The following CCDC6 variants were observed in gnomAD, a reference collection of about 807,000 sequenced individuals.
CCDC6 encodes coiled-coil domain containing 6.
A neutral mutation model predicts 56.6 loss-of-function variants in CCDC6; 20 were observed. The observed-to-expected ratio is 0.35, with a 90% confidence interval of 0.25 to 0.51. CCDC6 has a LOEUF of 0.51. Among genes scored for constraint, CCDC6 ranks in the 20% least tolerant of loss-of-function variants. The probability of loss-of-function intolerance (pLI) is 0.95; values close to 1 mark genes in which losing one functional copy is unlikely to be tolerated. For missense variants in CCDC6, 367 were observed against 601.1 expected (o/e 0.61, Z 4.07); for synonymous variants, 241 against 234.4 (o/e 1.03, Z -0.26).
chr10:59,875,220 G>C (rs916180434), intron 1 of CCDC6, among the ~76,000 whole-genome samples: 3 of 152,178 alleles, frequency 2.0e-5, no homozygotes, highest in Admixed American at 1.3e-4. Context: ...CCAGAATAGA[G>C]GTGGTTGTGA....
chr10:59,814,387 T>C (rs1308200635), intron 4 of CCDC6, among the ~76,000 whole-genome samples: 3 of 152,148 alleles, frequency 2.0e-5, no homozygotes, highest in Admixed American at 6.6e-5. Flanking sequence ...AGGTGAACAA[T>C]AGCAGCATGA....
intron 1 of CCDC6, among the ~76,000 whole-genome samples, chr10:59,865,839 G>T (rs2071171999): frequency 9.5e-6 from 1 of 105,806 alleles, no homozygotes; most frequent in South Asian, 3.1e-4. Context: ...GACAGAGAGA[G>T]ACTCCATCTC....
chr10:59,812,759 A>G lies in CCDC6; in HGVS notation c.723T>C (p.Ala241=), dbSNP rs771159444. Residue 241 remains alanine, a synonymous_variant, in exon 5 of 9, where the codon GCT becomes GCC. Transcript: ENST00000263102. The part of the protein sequence containing the change: ...LQEKLDQPVS[A]PPSPRDISME... ...TGGAGATATCTCTAGGCGATGGTGG[A>G]GCAGAGACGGGCTGGTCTAATTTTT... 14 of 1,611,344 alleles carry G rather than the reference A, an allele frequency of 8.7e-6. No individual in the cohort carries two copies. The highest frequency in any genetic ancestry group is 1.1e-5 in the Non-Finnish European group (13 of 1,178,214).
At chr10:59,826,378 A>G (rs2070787759) in intron 3 of CCDC6, among the ~76,000 whole-genome samples, 1 of 152,070 alleles carries the variant, frequency 6.6e-6, no homozygotes, top group Admixed American at 6.6e-5. Flanking sequence ...TCCCTGCAAC[A>G]TGGCTGAACA....
intron 5 of CCDC6, among the ~76,000 whole-genome samples, chr10:59,808,324 T>C (rs908737753): frequency 6.6e-6 from 1 of 152,150 alleles, no homozygotes; most frequent in Non-Finnish European, 1.5e-5. Flanking sequence ...TCAAAACTCT[T>C]GTCCTTCCAA....
intron 3 of CCDC6, among the ~76,000 whole-genome samples, chr10:59,820,855 A>T (rs12259634): frequency 0.1 from 14,391 of 144,234 alleles, 931 homozygotes; most frequent in African/African-American, 0.18. Flanking sequence ...AGTTGGCTAG[A>T]TTTTTTTTTT....
chr10:59,903,045 A>G lies in CCDC6; in HGVS notation c.303+3077T>C, dbSNP rs12569911. ...GGGAACATGGAAGAAACTTAAATGCATTTACTAAGTGAAAAGTCTGCATAC... is the reference window on the plus strand; with the variant it reads ...GGGAACATGGAAGAAACTTAAATGCGTTTACTAAGTGAAAAGTCTGCATAC... On this transcript the variant is annotated intron_variant, in intron 1 of 8. Coordinates refer to ENST00000263102, the MANE Select transcript of CCDC6 (RefSeq NM_005436.5). 2.4e-4 allele frequency among the ~76,000 whole-genome samples: 36 copies of G among 152,350 alleles called. No individual in the cohort carries two copies. In the East Asian group the frequency reaches 6.6e-3, roughly 28 times the overall value.
chr10:59,878,888 T>C (rs1046537822), intron 1 of CCDC6, among the ~76,000 whole-genome samples: 1 of 152,218 alleles, frequency 6.6e-6, no homozygotes, highest in Non-Finnish European at 1.5e-5. Flanking sequence ...ACTATTCATT[T>C]AGGCCAAGCC....
intron 1 of CCDC6, among the ~76,000 whole-genome samples, chr10:59,874,137 A>ACACACT (rs1455488563): frequency 6.6e-6 from 1 of 151,784 alleles, no homozygotes; most frequent in Non-Finnish European, 1.5e-5. Context: ...ACACACACAC[A>ACACACT]CACACACGCA....
intron 1 of CCDC6, among the ~76,000 whole-genome samples, chr10:59,899,337 T>G (rs1487996630): frequency 6.6e-6 from 1 of 152,214 alleles, no homozygotes; most frequent in Non-Finnish European, 1.5e-5. Flanking sequence ...AAAAAAAGTA[T>G]GCAGAGAGGA....
chr10:59,828,894 G>A (rs535849950), intron 3 of CCDC6, among the ~76,000 whole-genome samples: 1 of 152,272 alleles, frequency 6.6e-6, no homozygotes, highest in East Asian at 1.9e-4. Context: ...TGGGGAAAAA[G>A]GTAGTCTTCC....
At chr10:59,793,575 G>A (rs2070486226) in intron 8 of CCDC6, among the ~76,000 whole-genome samples, 1 of 152,168 alleles carries the variant, frequency 6.6e-6, no homozygotes, top group African/African-American at 2.4e-5. Flanking sequence ...CCTGAGGCCA[G>A]GAGTTCGAGA....
At chr10:59,809,932 T>G (rs2070659293) in intron 5 of CCDC6, among the ~76,000 whole-genome samples, 1 of 152,200 alleles carries the variant, frequency 6.6e-6, no homozygotes, top group South Asian at 2.1e-4. Flanking sequence ...TCCACACAGA[T>G]TCCAAAGAGG....
intron 5 of CCDC6, among the ~76,000 whole-genome samples, chr10:59,807,634 T>G (rs1039804236): frequency 2.0e-5 from 3 of 152,234 alleles, no homozygotes; most frequent in Non-Finnish European, 4.4e-5. Context: ...AGGTTAGGCA[T>G]CGTCACTCCC....
Position 59,792,732 on chromosome 10 carries a change from G to C in CCDC6, c.*185C>G. 1 of 780,580 alleles carries C rather than the reference G, an allele frequency of 1.3e-6. No homozygotes were observed. Among genetic ancestry groups the C allele is most frequent in the South Asian group, 1.3e-5 (1 of 74,092 alleles). 48.4% of individuals were successfully genotyped at this position (780,580 alleles called of 1,614,324 possible). Reference sequence around the variant, plus strand: ...ACTGATGGAAAAAGTCGTCTGGTTAGTGTTGTAGACCCACAACACTGGCTG... The same window carrying C: ...ACTGATGGAAAAAGTCGTCTGGTTACTGTTGTAGACCCACAACACTGGCTG... On this transcript the variant is annotated 3_prime_UTR_variant, in exon 9 of 9. Coordinates refer to ENST00000263102, the MANE Select transcript of CCDC6 (RefSeq NM_005436.5).
chr10:59,893,474 G>A (rs1306348648), intron 1 of CCDC6, among the ~76,000 whole-genome samples: 1 of 152,084 alleles, frequency 6.6e-6, no homozygotes, highest in East Asian at 1.9e-4. Flanking sequence ...GCATGGTGGT[G>A]CACGCCTGTG....
At chr10:59,863,623 T>TA (rs1293790179) in intron 1 of CCDC6, among the ~76,000 whole-genome samples, 2 of 152,122 alleles carry the variant, frequency 1.3e-5, no homozygotes, top group African/African-American at 4.8e-5. Flanking sequence ...TCTGTAAATA[T>TA]AATAAAAACC....
rs564046846 is a variant in CCDC6, at chr10:59,844,604, T to C, written c.453+7949A>G. Among the ~76,000 whole-genome samples, 19 of 137,102 alleles carry C rather than the reference T, an allele frequency of 1.4e-4. No homozygotes were observed. The South Asian group carries it at 3.4e-3, about 25-fold the overall frequency. 89.9% of individuals were successfully genotyped at this position (137,102 alleles called of 152,430 possible). ...GTCTCTACTTAAAAAAAAAAAAAAA[T>C]ACAAAAATTAGCTGGGCTAGTTAAA... On this transcript the variant is annotated intron_variant, in intron 2 of 8. Transcript: ENST00000263102.
chr10:59,897,220 A>G (rs2132686359), intron 1 of CCDC6, among the ~76,000 whole-genome samples: 1 of 152,290 alleles, frequency 6.6e-6, no homozygotes, highest in East Asian at 1.9e-4. Context: ...CTCTCAGTAG[A>G]ATAAAAGTTA....
Sources: gnomAD v4.1 joint callset for allele counts (sites outside exome capture counted in the v4.1 genomes callset) on GRCh38, gnomAD v4.1.1 for gene constraint, MANE v1.5 for transcripts, NCBI Gene and HGNC (gene_info 2026-07-23, HGNC 2026-07-21) for gene names.